Variants in TPX2 observed in about 807,000 individuals in gnomAD.
TPX2 encodes the protein TPX2 microtubule nucleation factor, also known as targeting protein for Xklp2.
In TPX2, 21 loss-of-function variants were observed where a neutral mutation model predicts 93.6. The ratio of observed to expected loss-of-function variants is 0.22; its 90% CI spans 0.16 to 0.32. The LOEUF is 0.32. Among genes scored for constraint, TPX2 ranks in the 10% least tolerant of loss-of-function variants. The pLI is 1.00. For synonymous variants in TPX2, 281 were observed against 298.3 expected, an observed-to-expected ratio of 0.94 and a Z score of 0.60; for missense variants, 776 against 871.1, an observed-to-expected ratio of 0.89 and a Z score of 1.37.
intron 11 of TPX2, 36 bp from the exon 12 acceptor site, chr20:31,783,669 A>T (rs369826054): frequency 1.1e-5 from 17 of 1,567,260 alleles, no homozygotes; most frequent in African/African-American, 9.7e-5. Context: ...TTTTATTAAA[A>T]TTTTTTTTGT....
Position 31,798,043 on chromosome 20 carries a change from A to G in TPX2, c.1946-322A>G, listed in dbSNP as rs903203469. On this transcript the variant is annotated intron_variant, in intron 16 of 17. Coordinates refer to ENST00000300403, the MANE Select transcript of TPX2 (RefSeq NM_012112.5). ...AAGACCCCATCTCTTTTTCAAAAAAATCTTTCCAAAAAGGGAAAAAAAGAA... is the reference window on the plus strand; with the variant it reads ...AAGACCCCATCTCTTTTTCAAAAAAGTCTTTCCAAAAAGGGAAAAAAAGAA... Among the ~76,000 whole-genome samples the G allele has an allele frequency of 3.3e-5, 5 of 152,172 alleles. 1 individual carries two copies. Among genetic ancestry groups the G allele is most frequent in the African/African-American group, 9.7e-5 (4 of 41,434 alleles).
chr20:31,748,463 ATTCAGATCAGAGCT>A (rs1417930549), intron 2 of TPX2, among the ~76,000 whole-genome samples: 1 of 152,212 alleles, frequency 6.6e-6, no homozygotes, highest in African/African-American at 2.4e-5. Context: ...TTATGGGAAG[ATTCAGATCAGAGCT>A]TTCCAAATAT....
In TPX2 at chr20:31,771,699, A is replaced by T. The variant is rs780331997; in HGVS notation, c.608+17A>T. On this transcript the variant is annotated intron_variant, in intron 7 of 17. Transcript: ENST00000300403. ...ACCTGCAAAGTAAGTTTCTTTCCTG[A>T]ATTTAAACTTTAGAATGAATGGTAT... 6.3e-7 allele frequency: 1 copy of T among 1,597,522 alleles called. No individual in the cohort carries two copies. Among genetic ancestry groups the T allele is most frequent in the Admixed American group, 1.8e-5 (1 of 54,838 alleles).
At chr20:31,746,101 T>A (rs1028519561) in intron 2 of TPX2, among the ~76,000 whole-genome samples, 8 of 152,336 alleles carry the variant, frequency 5.3e-5, no homozygotes, top group Middle Eastern at 3.4e-3. Context: ...CTTCTGAGTG[T>A]TGGACAGTGA....
chr20:31,766,457 GT>G, intron 4 of TPX2, 98 bp from the exon 5 acceptor site: 37 of 598,682 alleles, frequency 6.2e-5, no homozygotes, highest in South Asian at 9.5e-5. Flanking sequence ...TAGACAGGGT[GT>G]GTGTGTGTGT....
rs116832270 is a variant in TPX2 at position 31,782,848 on chromosome 20, A to G, written c.1196+458A>G. ...AGCCAAGATCACGCCAATATACTCC[A>G]GCTTGGGTGACAAAGCGAGACTGTC... On this transcript the variant is annotated intron_variant, in intron 11 of 17. Coordinates refer to ENST00000300403, the MANE Select transcript of TPX2 (RefSeq NM_012112.5). Among the ~76,000 whole-genome samples, 698 of 151,802 alleles carry G rather than the reference A, an allele frequency of 4.6e-3. 10 individuals are homozygous for G. Among genetic ancestry groups the G allele is most frequent in the African/African-American group, 0.016 (646 of 41,360 alleles).
intron 12 of TPX2, among the ~76,000 whole-genome samples, chr20:31,786,922 G>A (rs574402120): frequency 6.6e-6 from 1 of 152,230 alleles, no homozygotes; most frequent in South Asian, 2.1e-4. Flanking sequence ...GATACGATTT[G>A]CGGAATGGAA....
intron 2 of TPX2, among the ~76,000 whole-genome samples, chr20:31,755,496 C>T (rs1345823531): frequency 6.6e-6 from 1 of 151,678 alleles, no homozygotes; most frequent in Admixed American, 6.6e-5. Flanking sequence ...AAACAAATGG[C>T]TGGCCGGGCG....
intron 4 of TPX2, among the ~76,000 whole-genome samples, chr20:31,762,489 A>C (rs531350846): frequency 6.6e-6 from 1 of 152,202 alleles, no homozygotes; most frequent in South Asian, 2.1e-4. Flanking sequence ...AGTTGTGACT[A>C]CAGGCGCGCA....
At chr20:31,796,698 G>A (rs1286067151) in intron 15 of TPX2, among the ~76,000 whole-genome samples, 1 of 151,060 alleles carries the variant, frequency 6.6e-6, no homozygotes, top group African/African-American at 2.4e-5. Context: ...ATTCAATTCT[G>A]GTTAGATTTT....
chr20:31,758,334 A>G (rs550946230), intron 3 of TPX2, among the ~76,000 whole-genome samples: 1 of 152,076 alleles, frequency 6.6e-6, no homozygotes, highest in East Asian at 1.9e-4. Flanking sequence ...TGGCCAGGCT[A>G]GTCTTGAACC....
intron 10 of TPX2, among the ~76,000 whole-genome samples, chr20:31,780,671 T>C (rs891326647): frequency 2.0e-5 from 3 of 152,220 alleles, no homozygotes; most frequent in Admixed American, 6.5e-5. Flanking sequence ...ACCACTGTTA[T>C]GTGACAAGAC....
In TPX2 at chr20:31,801,563, A is replaced by G. The variant is rs1230963395; in HGVS notation, c.*483A>G. The G allele has an allele frequency of 6.6e-6, 1 of 152,634 alleles. No homozygotes were observed. The highest frequency in any genetic ancestry group is 2.4e-5 in the African/African-American group (1 of 41,438). 9.5% of individuals were successfully genotyped at this position (152,634 alleles called of 1,614,324 possible). A position where few individuals can be genotyped will look rare whatever the true frequency, so the allele number is the denominator to read the frequency against. On this transcript the variant is annotated 3_prime_UTR_variant, in exon 18 of 18. Transcript: ENST00000300403. Reference sequence around the variant, plus strand: ...TCAGATTCTGTCCTCTTCTCTGCATACCGTGAATTTATAGTTAAGGATCCC... The same window carrying G: ...TCAGATTCTGTCCTCTTCTCTGCATGCCGTGAATTTATAGTTAAGGATCCC...
chr20:31,778,451 A>G (rs1036413143), intron 9 of TPX2, among the ~76,000 whole-genome samples: 10 of 152,074 alleles, frequency 6.6e-5, no homozygotes, highest in African/African-American at 2.2e-4. Context: ...CAGAGGCCCA[A>G]TCAATTTTTT....
intron 17 of TPX2, among the ~76,000 whole-genome samples, chr20:31,799,729 G>C (rs1310807246): frequency 9.2e-5 from 14 of 151,494 alleles, no homozygotes; most frequent in Admixed American, 8.5e-4. Context: ...GCGAAACTCT[G>C]TCTCTACTAA....
intron 3 of TPX2, 62 bp from the exon 4 acceptor site, chr20:31,759,995 C>G (rs11698833): frequency 1.3e-6 from 2 of 1,593,666 alleles, no homozygotes; most frequent in African/African-American, 1.4e-5. Flanking sequence ...ATTTTAAATG[C>G]GTGATAGTGA....
At chr20:31,758,650 C>T (rs2122983966) in intron 3 of TPX2, among the ~76,000 whole-genome samples, 1 of 152,286 alleles carries the variant, frequency 6.6e-6, no homozygotes, top group East Asian at 1.9e-4. Context: ...TCCATTGCAG[C>T]TGTACTTATC....
Position 31,798,482 on chromosome 20 carries a change from A to T in TPX2, c.2063A>T (p.Gln688Leu), listed in dbSNP as rs1248626482. ...GAGGTAGAAGCCCAGAAAGCCCAGC[A>T]GTTGGAGGAGGCCAGACTACAGGAG... The part of the protein sequence containing the change: ...MAEVEAQKAQ[Q>L]LEEARLQEEE... The change falls in exon 17 of 18, where the codon CAG becomes CTG. Residue 688 changes from glutamine (Q) to leucine (L), a missense_variant. Gln to Leu is a moderately radical substitution (Grantham distance 113, BLOSUM62 -2). Around this residue, in one of 3 missense-constraint regions of TPX2, gnomAD observed 461 missense variants for 551.2 expected, o/e 0.84. Coordinates refer to ENST00000300403, the MANE Select transcript of TPX2 (RefSeq NM_012112.5). 2.5e-6 allele frequency: 4 copies of T among 1,613,734 alleles called. No homozygotes were observed. Among genetic ancestry groups the T allele is most frequent in the Non-Finnish European group, 3.4e-6 (4 of 1,180,020 alleles).
chr20:31,747,946 T>C (rs557553068), intron 2 of TPX2, among the ~76,000 whole-genome samples: 17 of 152,120 alleles, frequency 1.1e-4, no homozygotes, highest in Admixed American at 6.6e-4. Context: ...TTGGAAGATT[T>C]CACATCCTCA....
Sources: allele counts gnomAD v4.1 joint callset (sites outside exome capture counted in the v4.1 genomes callset), GRCh38; gene constraint gnomAD v4.1.1; regional missense constraint gnomAD v4.1.1; transcripts MANE v1.5; gene names NCBI Gene and HGNC (gene_info 2026-07-23, HGNC 2026-07-21).